The following NTRK1 variants were observed in gnomAD, a reference collection of about 807,000 sequenced individuals.
The protein encoded by NTRK1 is neurotrophic receptor tyrosine kinase 1, also known as high affinity nerve growth factor receptor.
NTRK1 carries 62 observed loss-of-function variants against 86.8 expected under a neutral mutation model. The ratio of observed to expected loss-of-function variants is 0.71; its 90% CI spans 0.58 to 0.88. The LOEUF (loss-of-function observed/expected upper bound fraction) is 0.88, where lower values mean the gene tolerates loss of function less well. Among genes scored for constraint, NTRK1 ranks in the 40% least tolerant of loss-of-function variants. The pLI is 0.00. For missense variants in NTRK1, 967 were observed against 1,078.4 expected, an observed-to-expected ratio of 0.90 and a Z score of 1.45; for synonymous variants, 469 against 456.6, an observed-to-expected ratio of 1.03 and a Z score of -0.35.
chr1:156,861,089 G>A lies in NTRK1; in HGVS notation c.155G>A (p.Arg52Gln), dbSNP rs1227657378. The change falls in exon 1 of 17, where the codon CGG becomes CAG. Residue 52 changes from arginine (R) to glutamine (Q), a missense_variant. Physicochemically the swap from Arg to Gln is conservative, Grantham distance 43 (BLOSUM62 1). Around this residue, in one of 2 missense-constraint regions of NTRK1, gnomAD observed 330 missense variants for 302.0 expected, o/e 1.09. Coordinates refer to ENST00000524377, the MANE Select transcript of NTRK1 (RefSeq NM_002529.4). ...PHGSSGLRCT[R>Q]DGALDSLHHL... ...GGCTCCTCGGGACTGCGATGCACCCGGGATGGGGCCCTGGATAGCCTCCAC... is the reference window on the plus strand; with the variant it reads ...GGCTCCTCGGGACTGCGATGCACCCAGGATGGGGCCCTGGATAGCCTCCAC... 2 of 1,583,364 alleles carry A rather than the reference G, an allele frequency of 1.3e-6. No individual in the cohort carries two copies. The highest frequency in any genetic ancestry group is 3.4e-5 in the Admixed American group (2 of 58,018).
At chr1:156,845,937 G>A (rs1228237198) in intron 2 of NTRK1, 1 of 1,608,504 alleles carries the variant, frequency 6.2e-7, no homozygotes, top group Non-Finnish European at 8.5e-7. Flanking sequence ...CGGCCTGCGC[G>A]TCGTCCCTGC....
chr1:156,849,573 A>G (rs1655133440), intron 2 of NTRK1: 3 of 740,308 alleles, frequency 4.1e-6, no homozygotes, highest in Non-Finnish European at 6.8e-6. Flanking sequence ...GGAGAGGGGC[A>G]CTCAGTGGCT....
rs866237041 is a variant in NTRK1 at position 156,842,036 on chromosome 1, T to C, written c.-63-45T>C. ...TCACAGGCTGTCAGGACCAGGGCTG[T>C]GGGTCTCCTGATGCCTAGCTTAAGG... On this transcript the variant is annotated intron_variant, in intron 1 of 16. Transcript: ENST00000392302. 25 of 1,597,880 alleles carry C rather than the reference T, an allele frequency of 1.6e-5. No individual in the cohort carries two copies. In the Middle Eastern group the frequency reaches 8.6e-4, roughly 55 times the overall value.
chr1:156,880,230 A>G (rs2102928285), intron 16 of NTRK1, 73 bp downstream of exon 16: 1 of 1,555,690 alleles, frequency 6.4e-7, no homozygotes, highest in Non-Finnish European at 8.8e-7. Context: ...TTTTCAGGGA[A>G]CTCGGTTCCC....
intron 2 of NTRK1, chr1:156,849,381 C>A (rs755727242): frequency 5.6e-6 from 9 of 1,613,044 alleles, no homozygotes; most frequent in South Asian, 1.1e-5. Context: ...ATCTTGCCCA[C>A]GGGAATGGTG....
At chr1:156,881,065 T>C (rs1648228449) in intron 16 of NTRK1, among the ~76,000 whole-genome samples, 1 of 152,186 alleles carries the variant, frequency 6.6e-6, no homozygotes, top group Non-Finnish European at 1.5e-5. Flanking sequence ...TCTGCTCTAT[T>C]TTCTTTTCTC....
At chr1:156,825,056 A>G (rs920244730) in intron 1 of NTRK1, among the ~76,000 whole-genome samples, 1 of 152,040 alleles carries the variant, frequency 6.6e-6, no homozygotes, top group African/African-American at 2.4e-5. Context: ...CGCCCGGCTA[A>G]TTTTGTATTT....
Position 156,880,164 on chromosome 1 carries a change from C to A in NTRK1, c.2205+7C>A. On this transcript the variant is annotated splice_region_variant and intron_variant, in intron 16 of 16. Transcript: ENST00000524377. ...CCAGCTCTCCAACACGGAGGTCAGC[C>A]CCGGCCCATGGTCACCCCTTGCTGG... is the stretch of plus-strand genomic sequence containing the variant. The A allele has an allele frequency of 6.2e-7, 1 of 1,612,868 alleles. No homozygotes were observed. The highest frequency in any genetic ancestry group is 8.5e-7 in the Non-Finnish European group (1 of 1,179,970).
At chr1:156,815,978 C>G (rs759998500) in intron 1 of NTRK1, 1 of 1,610,944 alleles carries the variant, frequency 6.2e-7, no homozygotes, top group African/African-American at 1.3e-5. Flanking sequence ...GGAGCTGCAC[C>G]ACGCTGCCGC....
chr1:156,880,194 C>A (rs775471353), intron 16 of NTRK1, 37 bp downstream of exon 16: 8 of 1,608,830 alleles, frequency 5.0e-6, no homozygotes, highest in Non-Finnish European at 6.8e-6. Flanking sequence ...TGCTGGCCTC[C>A]CCGTCCCATG....
At chr1:156,822,749 G>T (rs1654221415) in intron 1 of NTRK1, among the ~76,000 whole-genome samples, 1 of 151,936 alleles carries the variant, frequency 6.6e-6, no homozygotes, top group Non-Finnish European at 1.5e-5. Flanking sequence ...TTGTTTTCCT[G>T]GTAGGGTGAT....
chr1:156,868,515 G>A lies in NTRK1; in HGVS notation c.585G>A (p.Thr195=), dbSNP rs182531655. The change falls in exon 6 of 17, where the codon ACG becomes ACA. Residue 195 remains threonine (T), a synonymous_variant. Coordinates refer to ENST00000524377, the MANE Select transcript of NTRK1 (RefSeq NM_002529.4). ...GTCCTGGGTGGCCAGGTGTGCCCAC[G>A]CTGAAGGTCCAGGTGCCCAATGCCT... The part of the protein sequence containing the change: ...HMPNASCGVP[T]LKVQVPNASV... 1.8e-4 allele frequency: 283 copies of A among 1,558,698 alleles called. No homozygotes were observed. Among genetic ancestry groups the A allele is most frequent in the Non-Finnish European group, 2.3e-4 (260 of 1,151,104 alleles).
intron 1 of NTRK1, among the ~76,000 whole-genome samples, chr1:156,826,951 G>C (rs939254154): frequency 6.6e-6 from 1 of 152,172 alleles, no homozygotes; most frequent in Non-Finnish European, 1.5e-5. Context: ...TACTCTTCCT[G>C]TATCTATTTA....
At chr1:156,846,486 TCTGA>T (rs1419708083) in intron 2 of NTRK1, 3 of 1,547,324 alleles carry the variant, frequency 1.9e-6, no homozygotes, top group South Asian at 1.1e-5. Flanking sequence ...GATGCAGGCG[TCTGA>T]CTGACTCTTG....
At chr1:156,867,652 CTTTCT>C (rs1175607828) in intron 4 of NTRK1, among the ~76,000 whole-genome samples, 33 of 149,348 alleles carry the variant, frequency 2.2e-4, no homozygotes, top group Admixed American at 6.7e-4. Flanking sequence ...TCTTTTCTTT[CTTTCT>C]TTTCTTTTCT....
At position 156,861,078 on chromosome 1, in the gene NTRK1, G is replaced by A; in HGVS notation, c.144G>A (p.Leu48=). 4.4e-6 allele frequency: 7 copies of A among 1,576,920 alleles called. No individual in the cohort carries two copies. The highest frequency in any genetic ancestry group is 1.1e-5 in the South Asian group (1 of 87,228). The change falls in exon 1 of 17, where the codon CTG becomes CTA. Residue 48 remains leucine (L), a synonymous_variant. Transcript: ENST00000524377. ...DACCPHGSSG[L]RCTRDGALDS... is the part of the protein sequence containing the mutation. The stretch of plus-strand genomic sequence containing the variant: ...GCTGCCCCCACGGCTCCTCGGGACT[G>A]CGATGCACCCGGGATGGGGCCCTGG...
intron 1 of NTRK1, among the ~76,000 whole-genome samples, chr1:156,863,501 T>C (rs1443004747): frequency 2.0e-5 from 3 of 152,080 alleles, no homozygotes; most frequent in African/African-American, 7.2e-5. Flanking sequence ...CTCTCATTGC[T>C]CCTCTCCTCT....
chr1:156,844,037 C>T (rs2102856024), intron 2 of NTRK1: 2 of 649,150 alleles, frequency 3.1e-6, no homozygotes, highest in East Asian at 2.6e-5. Flanking sequence ...TATGTTTCCT[C>T]TGTGCCACCG....
At chr1:156,816,207 G>T in intron 1 of NTRK1, 1 of 1,456,584 alleles carries the variant, frequency 6.9e-7, no homozygotes, top group Non-Finnish European at 9.1e-7. Flanking sequence ...CAGTCTTAAC[G>T]ACAGGAAAAA....
Sources: allele counts gnomAD v4.1 joint callset (sites outside exome capture counted in the v4.1 genomes callset), GRCh38; gene constraint gnomAD v4.1.1; regional missense constraint gnomAD v4.1.1; transcripts MANE v1.5; gene names NCBI Gene and HGNC (gene_info 2026-07-23, HGNC 2026-07-21).